Variants in CNTN5 observed in about 807,000 individuals in gnomAD.
CNTN5 encodes contactin 5.
A neutral mutation model predicts 129.1 loss-of-function variants in CNTN5; 77 were observed. The observed-to-expected ratio is 0.60, with a 90% CI of 0.50 to 0.72. The LOEUF (loss-of-function observed/expected upper bound fraction) is 0.72, where lower values mean the gene tolerates loss of function less well. Ranked by LOEUF, CNTN5 falls within the 30% of genes least tolerant of loss-of-function variation. The pLI, the probability that CNTN5 is intolerant of heterozygous loss-of-function variation, is 0.00. For synonymous variants in CNTN5, 509 were observed against 465.6 expected, an observed-to-expected ratio of 1.09 and a Z score of -1.20; for missense variants, 1,478 against 1,328.8, an observed-to-expected ratio of 1.11 and a Z score of -1.75.
chr11:100,098,803 A>C (rs1268840160), intron 13 of CNTN5, among the ~76,000 whole-genome samples: 1 of 151,998 alleles, frequency 6.6e-6, no homozygotes, highest in Non-Finnish European at 1.5e-5. Context: ...CATATCCCTC[A>C]TCACATCTGT....
At chr11:100,289,377 C>T (rs368823438) in intron 18 of CNTN5, among the ~76,000 whole-genome samples, 174 of 151,694 alleles carry the variant, frequency 1.1e-3, no homozygotes, top group Non-Finnish European at 1.8e-3. Flanking sequence ...ACTGGCAAAC[C>T]GAATCCAGCA....
intron 9 of CNTN5, among the ~76,000 whole-genome samples, chr11:100,057,253 T>C (rs1943273650): frequency 6.8e-6 from 1 of 147,920 alleles, no homozygotes; most frequent in African/African-American, 2.4e-5. Context: ...AGTATAAATA[T>C]ATAAATATAT....
rs185731707 is a variant in CNTN5, at chr11:99,500,656, T to C, written c.-70-55489T>C. ...GCATTATTTTTTCATGGCTACATAGTATTCCATGAATTGTATATATCTTAA... is the reference window on the plus strand; with the variant it reads ...GCATTATTTTTTCATGGCTACATAGCATTCCATGAATTGTATATATCTTAA... On this transcript the variant is annotated intron_variant, in intron 2 of 24. Coordinates refer to ENST00000524871, the MANE Select transcript of CNTN5 (RefSeq NM_014361.4). Among the ~76,000 whole-genome samples, 26 of 152,296 alleles carry C rather than the reference T, an allele frequency of 1.7e-4. No individual in the cohort carries two copies. The East Asian group carries it at 4.4e-3, about 26-fold the overall frequency.
At chr11:100,332,805 T>TA (rs1951932699) in intron 21 of CNTN5, among the ~76,000 whole-genome samples, 1 of 152,108 alleles carries the variant, frequency 6.6e-6, no homozygotes, top group South Asian at 2.1e-4. Flanking sequence ...TTTAAGGTAA[T>TA]AAAACCTGTC....
intron 2 of CNTN5, among the ~76,000 whole-genome samples, chr11:99,329,076 A>G (rs540615941): frequency 4.0e-4 from 61 of 152,196 alleles, no homozygotes; most frequent in Non-Finnish European, 6.8e-4. Flanking sequence ...ATATCGATGG[A>G]TTATTTTCAT....
intron 3 of CNTN5, among the ~76,000 whole-genome samples, chr11:99,628,072 C>A (rs910395955): frequency 6.6e-6 from 1 of 151,650 alleles, no homozygotes; most frequent in African/African-American, 2.4e-5. Context: ...TTAATGTATT[C>A]GTTGGTTACA....
At chr11:99,619,502 C>T (rs1950864382) in intron 3 of CNTN5, among the ~76,000 whole-genome samples, 1 of 152,002 alleles carries the variant, frequency 6.6e-6, no homozygotes, top group African/African-American at 2.4e-5. Context: ...CACCATCTAT[C>T]TCCAGAAATT....
intron 2 of CNTN5, among the ~76,000 whole-genome samples, chr11:99,397,255 G>A (rs1941573232): frequency 6.6e-6 from 1 of 151,718 alleles, no homozygotes; most frequent in Admixed American, 6.6e-5. Context: ...GAACATAGAG[G>A]TAAAGTACAA....
chr11:99,114,584 T>C (rs1443578459), intron 1 of CNTN5, among the ~76,000 whole-genome samples: 1 of 152,106 alleles, frequency 6.6e-6, no homozygotes, highest in Non-Finnish European at 1.5e-5. Context: ...TTTTTATTCC[T>C]AAAACATTTA....
intron 3 of CNTN5, among the ~76,000 whole-genome samples, chr11:99,589,039 G>A (rs986970620): frequency 1.2e-4 from 18 of 152,202 alleles, no homozygotes; most frequent in African/African-American, 4.3e-4. Flanking sequence ...TAGTGTGCTG[G>A]ATTGTAGATA....
At chr11:100,322,850 T>A (rs935234909) in intron 21 of CNTN5, among the ~76,000 whole-genome samples, 2 of 152,180 alleles carry the variant, frequency 1.3e-5, no homozygotes, top group African/African-American at 2.4e-5. Flanking sequence ...TGAAAATTTT[T>A]AAAAATATCT....
chr11:99,608,792 G>A (rs1487635274), intron 3 of CNTN5, among the ~76,000 whole-genome samples: 1 of 152,060 alleles, frequency 6.6e-6, no homozygotes, highest in Non-Finnish European at 1.5e-5. Context: ...CATTCTTCTA[G>A]TTCACATATG....
At chr11:99,051,785 C>CT (rs960196412) in intron 1 of CNTN5, among the ~76,000 whole-genome samples, 1 of 151,792 alleles carries the variant, frequency 6.6e-6, no homozygotes, top group Non-Finnish European at 1.5e-5. Context: ...GAAGTAGTCT[C>CT]TTTTTTCAGG....
At chr11:100,050,032 G>A (rs547173132) in intron 9 of CNTN5, among the ~76,000 whole-genome samples, 1 of 152,312 alleles carries the variant, frequency 6.6e-6, no homozygotes, top group South Asian at 2.1e-4. Context: ...TAGTGGGACT[G>A]TAAACTAGTT....
chr11:99,658,716 A>ATAT (rs1555067237), intron 3 of CNTN5, among the ~76,000 whole-genome samples: 14 of 115,020 alleles, frequency 1.2e-4, no homozygotes, highest in African/African-American at 4.1e-4. Flanking sequence ...TACTAAAAAA[A>ATAT]AAATATATAT....
chr11:99,060,348 C>T (rs929173155), intron 1 of CNTN5, among the ~76,000 whole-genome samples: 2 of 152,004 alleles, frequency 1.3e-5, no homozygotes, highest in African/African-American at 4.8e-5. Context: ...TTTAAATGTG[C>T]ATATGCATGC....
In CNTN5 at chr11:99,701,716, C is replaced by T. The variant is rs777585585; in HGVS notation, c.56-117828C>T. Among the ~76,000 whole-genome samples, 146 of 150,772 alleles carry T rather than the reference C, an allele frequency of 9.7e-4. 3 individuals are homozygous for T. The highest frequency in any genetic ancestry group is 1.8e-4 in the Non-Finnish European group (12 of 67,228). On this transcript the variant is annotated intron_variant, in intron 3 of 24. Transcript: ENST00000524871. The stretch of plus-strand genomic sequence containing the variant: ...TTATTTTGATCTTTCCTATAATAAA[C>T]CTGTACTGCTTTCAACTAAGAAAAT...
chr11:100,155,381 T>C (rs148908275), intron 13 of CNTN5, among the ~76,000 whole-genome samples: 3,309 of 152,252 alleles, frequency 0.022, 114 homozygotes, highest in African/African-American at 0.075. Flanking sequence ...TTGGTCTATG[T>C]ATCTGTTTTG....
intron 1 of CNTN5, among the ~76,000 whole-genome samples, chr11:99,149,905 T>C (rs1859965920): frequency 6.6e-6 from 1 of 152,128 alleles, no homozygotes; most frequent in South Asian, 2.1e-4. Flanking sequence ...ACAACCTATA[T>C]ATCTATCTCC....
Sources: allele counts gnomAD v4.1 joint callset (sites outside exome capture counted in the v4.1 genomes callset), GRCh38; gene constraint gnomAD v4.1.1; transcripts MANE v1.5; gene names NCBI Gene and HGNC (gene_info 2026-07-23, HGNC 2026-07-21).